HK1: variants seen among roughly 807,000 people sequenced by gnomAD.
HK1 encodes hexokinase-1.
In HK1, 28 loss-of-function variants were observed where a neutral mutation model predicts 91.6. That is an observed-to-expected ratio of 0.31 (90% confidence interval 0.23 to 0.42). The LOEUF is 0.42. Ranked by LOEUF, HK1 falls within the 10% of genes least tolerant of loss-of-function variation. The pLI, the probability that HK1 is intolerant of heterozygous loss-of-function variation, is 1.00. For synonymous variants in HK1, 430 were observed against 468.1 expected (o/e 0.92, Z 1.05); for missense variants, 770 against 1,219.8 (o/e 0.63, Z 5.49).
chr10:69,315,843 T>G (rs1737627982), upstream of HK1: 1 of 1,034,004 alleles, frequency 9.7e-7, no homozygotes, highest in Non-Finnish European at 1.5e-6. Flanking sequence ...GCATCAGGAC[T>G]AGGCTGGAGT....
At chr10:69,281,928 G>A (rs544977077) in intron 1 of HK1, among the ~76,000 whole-genome samples, 2 of 152,314 alleles carry the variant, frequency 1.3e-5, no homozygotes, top group East Asian at 3.9e-4. Context: ...TTTGGCCACA[G>A]AGTGGGCATT....
At chr10:69,277,384 A>G (rs1486021959) in intron 1 of HK1, among the ~76,000 whole-genome samples, 3 of 152,040 alleles carry the variant, frequency 2.0e-5, no homozygotes, top group Non-Finnish European at 4.4e-5. Context: ...CCTGGGCAAA[A>G]TGTTGAAACC....
intron 1 of HK1, among the ~76,000 whole-genome samples, chr10:69,277,999 C>G (rs1844553735): frequency 6.6e-6 from 1 of 151,734 alleles, no homozygotes; most frequent in South Asian, 2.1e-4. Context: ...TGCCATTGCA[C>G]TCCAGCTTGG....
At chr10:69,325,983 T>C (rs59634419) in intron 1 of HK1, among the ~76,000 whole-genome samples, 8 of 151,760 alleles carry the variant, frequency 5.3e-5, no homozygotes, top group Non-Finnish European at 1.0e-4. Context: ...TACAGGTGCC[T>C]GCCACTACAC....
chr10:69,372,410 G>A (rs919674154), intron 7 of HK1, among the ~76,000 whole-genome samples: 3 of 152,232 alleles, frequency 2.0e-5, no homozygotes, highest in African/African-American at 7.2e-5. Context: ...AATTTTTGCT[G>A]TGCCCCCAGG....
chr10:69,283,041 G>A (rs369909089), intron 2 of HK1, among the ~76,000 whole-genome samples: 3 of 146,890 alleles, frequency 2.0e-5, no homozygotes, highest in African/African-American at 5.0e-5. Context: ...CAGGAGAATC[G>A]CTTGAACCCA....
Position 69,375,435 on chromosome 10 carries a change from T to C in HK1, c.876-1499T>C, listed in dbSNP as rs114199395. 3.4e-3 allele frequency among the ~76,000 whole-genome samples: 520 copies of C among 152,230 alleles called. 1 individual carries two copies. The highest frequency in any genetic ancestry group is 0.01 in the Middle Eastern group (3 of 294). ...CACAGAGGCTGTTCCCACAGGAGCC[T>C]GGGGTGGCACCAGACTTAGAAGGGC... On this transcript the variant is annotated intron_variant, in intron 7 of 17. Coordinates refer to ENST00000359426, the MANE Select transcript of HK1 (RefSeq NM_000188.3).
intron 3 of HK1, among the ~76,000 whole-genome samples, chr10:69,289,391 A>G (rs898272306): frequency 6.6e-6 from 1 of 151,776 alleles, no homozygotes; most frequent in African/African-American, 2.4e-5. Context: ...TTTCTTCTCT[A>G]AGAGAAGCCC....
chr10:69,353,095 T>C (rs1848957703), intron 2 of HK1, among the ~76,000 whole-genome samples: 1 of 152,116 alleles, frequency 6.6e-6, no homozygotes, highest in Non-Finnish European at 1.5e-5. Context: ...TAGGAGAGTC[T>C]CTTTTGTTCC....
chr10:69,293,491 G>GT (rs1845390415), intron 3 of HK1, among the ~76,000 whole-genome samples: 1 of 152,214 alleles, frequency 6.6e-6, no homozygotes, highest in Non-Finnish European at 1.5e-5. Context: ...ACCCTTCTCT[G>GT]TATCAGCCAG....
chr10:69,316,788 C>T (rs1846669953), upstream of HK1, among the ~76,000 whole-genome samples: 1 of 152,246 alleles, frequency 6.6e-6, no homozygotes, highest in South Asian at 2.1e-4. Context: ...TGCCAAGTGC[C>T]AGGCCCTGCG....
rs1423352952 is a variant in HK1 at position 69,318,995 on chromosome 10, T to C, written c.48T>C (p.Asp16=). 2 of 1,603,276 alleles carry C rather than the reference T, an allele frequency of 1.2e-6. No individual in the cohort carries two copies. Among genetic ancestry groups the C allele is most frequent in the Non-Finnish European group, 1.7e-6 (2 of 1,175,772 alleles). ...LLAYYFTELK[D]DQVKKIDKYL... Reference sequence around the variant, plus strand: ...CCTATTACTTCACGGAGCTGAAGGATGACCAGGTCAAAAAGGTGAGCCCCC... The same window carrying C: ...CCTATTACTTCACGGAGCTGAAGGACGACCAGGTCAAAAAGGTGAGCCCCC... The change falls in exon 1 of 18, where the codon GAT becomes GAC. Residue 16 remains aspartate, a synonymous_variant. Coordinates refer to ENST00000359426, the MANE Select transcript of HK1 (RefSeq NM_000188.3).
intron 10 of HK1, among the ~76,000 whole-genome samples, chr10:69,383,965 C>T (rs1343005631): frequency 6.6e-6 from 1 of 152,228 alleles, no homozygotes; most frequent in Non-Finnish European, 1.5e-5. Flanking sequence ...AGTCATGTTG[C>T]AAAGAAGGAT....
rs1839530540 is a variant in HK1 at position 69,384,330 on chromosome 10, C to T, written c.1571-3C>T. The T allele has an allele frequency of 1.2e-6, 2 of 1,614,110 alleles. No individual in the cohort carries two copies. The highest frequency in any genetic ancestry group is 3.3e-5 in the Admixed American group (2 of 60,016). ...ACATTCTTTACGCTTTTGACTGCAA[C>T]AGAGAATGGTGACTTCTTGGCCCTG... On this transcript the variant is annotated splice_region_variant and splice_polypyrimidine_tract_variant and intron_variant, in intron 10 of 17. Coordinates refer to ENST00000359426, the MANE Select transcript of HK1 (RefSeq NM_000188.3).
chr10:69,275,178 A>G (rs967764307), intron 1 of HK1, among the ~76,000 whole-genome samples: 9 of 151,092 alleles, frequency 6.0e-5, no homozygotes, highest in African/African-American at 1.9e-4. Flanking sequence ...TCCCATTACA[A>G]TGTCTTATTT....
intron 4 of HK1, 77 bp from the exon 5 acceptor site, chr10:69,368,459 C>T (rs1358353820): frequency 1.4e-5 from 18 of 1,276,380 alleles, no homozygotes; most frequent in South Asian, 2.4e-5. Context: ...TCATCCCTGT[C>T]CTGGAGCAAT....
Position 69,281,517 on chromosome 10 carries a change from TC to T in HK1, c.-390-1009del, listed in dbSNP as rs567572855. 1.3e-3 allele frequency among the ~76,000 whole-genome samples: 201 copies of T among 152,310 alleles called. 1 individual carries two copies. The highest frequency in any genetic ancestry group is 2.6e-3 in the Non-Finnish European group (176 of 68,018). On this transcript the variant is annotated intron_variant, in intron 1 of 21. Transcript: ENST00000360289. Reference sequence around the variant, plus strand: ...GAAAACTCTGACTTAGACCAATGTGTCCCAGATTCAATGTCACTTTCTATAG... The same window carrying T: ...GAAAACTCTGACTTAGACCAATGTGTCCAGATTCAATGTCACTTTCTATAG...
At chr10:69,396,460 C>T (rs1840145977) in intron 16 of HK1, among the ~76,000 whole-genome samples, 1 of 152,108 alleles carries the variant, frequency 6.6e-6, no homozygotes, top group Non-Finnish European at 1.5e-5. Flanking sequence ...TTTTCATCTT[C>T]TCAGCTGAAA....
chr10:69,306,724 ATTGT>A (rs1309075263), intron 5 of HK1, among the ~76,000 whole-genome samples: 2 of 152,228 alleles, frequency 1.3e-5, no homozygotes, highest in Non-Finnish European at 2.9e-5. Flanking sequence ...GTCAGTGTAC[ATTGT>A]TTGGGTGAAA....
Sources: allele counts gnomAD v4.1 joint callset (sites outside exome capture counted in the v4.1 genomes callset), GRCh38; gene constraint gnomAD v4.1.1; transcripts MANE v1.5; gene names NCBI Gene and HGNC (gene_info 2026-07-23, HGNC 2026-07-21).